The following TLE4 variants were observed in gnomAD, a reference collection of about 807,000 sequenced individuals.
TLE4 encodes TLE family member 4, transcriptional corepressor, also known as transducin-like enhancer protein 4.
Under a neutral mutation model 92.8 loss-of-function variants are expected in TLE4, and 8 were observed. The observed-to-expected ratio is 0.09, with a 90% confidence interval of 0.05 to 0.16. The LOEUF (loss-of-function observed/expected upper bound fraction) is 0.16. Ranked by LOEUF, TLE4 falls within the 10% of genes least tolerant of loss-of-function variation. The pLI is 1.00. For missense variants in TLE4, 675 were observed against 997.6 expected, an observed-to-expected ratio of 0.68 and a Z score of 4.36; for synonymous variants, 371 against 374.1, an observed-to-expected ratio of 0.99 and a Z score of 0.10.
intron 4 of TLE4, among the ~76,000 whole-genome samples, chr9:79,585,106 A>G (rs2040722229): frequency 6.6e-6 from 1 of 152,224 alleles, no homozygotes; most frequent in Non-Finnish European, 1.5e-5. Context: ...GGGACAAGGA[A>G]TTTTGAAAAT....
At chr9:79,585,028 A>G (rs555907171) in intron 4 of TLE4, among the ~76,000 whole-genome samples, 152 of 152,288 alleles carry the variant, frequency 1.0e-3, no homozygotes, top group Non-Finnish European at 1.4e-3. Flanking sequence ...ATCGATCTTG[A>G]CTATATTGTG....
chr9:79,628,950 A>C (rs1394147090), intron 6 of TLE4, among the ~76,000 whole-genome samples: 1 of 151,828 alleles, frequency 6.6e-6, no homozygotes, highest in Non-Finnish European at 1.5e-5. Flanking sequence ...GTGTGTGCAC[A>C]AGTGCAGGTG....
At chr9:79,597,584 C>A (rs2044341485) in intron 4 of TLE4, among the ~76,000 whole-genome samples, 1 of 152,144 alleles carries the variant, frequency 6.6e-6, no homozygotes. Context: ...ATAGTCCCCC[C>A]ACAAGCCTGC....
At chr9:79,652,979 G>A in intron 7 of TLE4, 185 bp downstream of exon 7, 2 of 759,104 alleles carry the variant, frequency 2.6e-6, no homozygotes, top group Admixed American at 3.6e-5. Flanking sequence ...TGGTTGGCAA[G>A]AGCTAACATA....
At chr9:79,668,870 T>C in intron 8 of TLE4, 1 of 980,934 alleles carries the variant, frequency 1.0e-6, no homozygotes, top group African/African-American at 1.7e-5. Context: ...TTTAGTGAAA[T>C]AGCAAAAGCA....
intron 18 of TLE4, 133 bp downstream of exon 18, chr9:79,722,734 A>T (rs1452322721): frequency 2.6e-6 from 3 of 1,162,144 alleles, no homozygotes; most frequent in Admixed American, 5.0e-5. Flanking sequence ...TTCCTGATAC[A>T]TGCCTGCTTC....
At chr9:79,680,004 G>A (rs1320355223) in intron 8 of TLE4, among the ~76,000 whole-genome samples, 3 of 151,840 alleles carry the variant, frequency 2.0e-5, no homozygotes, top group Non-Finnish European at 2.9e-5. Context: ...GTACCATGCT[G>A]TTTTGGTTAC....
intron 4 of TLE4, among the ~76,000 whole-genome samples, chr9:79,608,073 T>C (rs1384153103): frequency 6.6e-6 from 1 of 152,124 alleles, no homozygotes; most frequent in Admixed American, 6.6e-5. Flanking sequence ...TTCTCTTGCC[T>C]GTTTGCCCTG....
intron 6 of TLE4, among the ~76,000 whole-genome samples, chr9:79,631,846 A>G (rs2054347763): frequency 6.6e-6 from 1 of 150,818 alleles, no homozygotes; most frequent in African/African-American, 2.5e-5. Flanking sequence ...AGAAAGGGAA[A>G]GATATAAATA....
chr9:79,629,642 A>G (rs1035570836), intron 6 of TLE4, among the ~76,000 whole-genome samples: 5 of 152,194 alleles, frequency 3.3e-5, no homozygotes, highest in Admixed American at 3.3e-4. Flanking sequence ...GAGTCTTCCA[A>G]ACTCTTGGTA....
In TLE4 at chr9:79,726,391, T is replaced by TACAGTG. The variant is rs2076377597; in HGVS notation, c.*1248_*1253dup. On this transcript the variant is annotated 3_prime_UTR_variant, in exon 20 of 20. Coordinates refer to ENST00000376552, the MANE Select transcript of TLE4 (RefSeq NM_007005.6). ...TTTTAAGTCTGTGGATCTGCTGATG[T>TACAGTG]ACAGTGCCTTTGCTGCTATGGATCA... 6.5e-6 allele frequency: 1 copy of TACAGTG among 152,694 alleles called. No individual in the cohort carries two copies. The allele number at this position is 152,694 out of a possible 1,614,324, so 9.5% of individuals were successfully genotyped here.
intron 9 of TLE4, among the ~76,000 whole-genome samples, chr9:79,705,625 G>A (rs1233050790): frequency 6.6e-6 from 1 of 152,210 alleles, no homozygotes; most frequent in Admixed American, 6.5e-5. Context: ...CCAACCATCA[G>A]CTTCAAGTTT....
intron 2 of TLE4, among the ~76,000 whole-genome samples, chr9:79,574,472 C>T (rs1234335882): frequency 6.6e-6 from 1 of 152,090 alleles, no homozygotes; most frequent in Non-Finnish European, 1.5e-5. Context: ...TCATTAATCT[C>T]TTTGTAGAAC....
chr9:79,591,948 C>A (rs1041122228), intron 4 of TLE4, among the ~76,000 whole-genome samples: 1 of 152,200 alleles, frequency 6.6e-6, no homozygotes, highest in Admixed American at 6.5e-5. Flanking sequence ...TTACTTTCAT[C>A]TCTCCTGCCA....
At chr9:79,588,411 A>G (rs1168774207) in intron 4 of TLE4, among the ~76,000 whole-genome samples, 1 of 152,030 alleles carries the variant, frequency 6.6e-6, no homozygotes, top group Admixed American at 6.5e-5. Flanking sequence ...GGCCTCCCAA[A>G]ATGCTGGGAT....
At chr9:79,604,495 A>G (rs766724169) in intron 4 of TLE4, among the ~76,000 whole-genome samples, 1 of 152,182 alleles carries the variant, frequency 6.6e-6, no homozygotes, top group South Asian at 2.1e-4. Context: ...GACAGCTTCA[A>G]AGAATTGGAA....
At chr9:79,597,603 TC>T (rs2044348085) in intron 4 of TLE4, among the ~76,000 whole-genome samples, 2 of 152,098 alleles carry the variant, frequency 1.3e-5, no homozygotes, top group South Asian at 4.1e-4. Flanking sequence ...GCTTAGTGAT[TC>T]CTATCTGAGG....
rs142084583 is a variant in TLE4 at position 79,598,917 on chromosome 9, T to C, written c.253-13739T>C. On this transcript the variant is annotated intron_variant, in intron 4 of 19. Coordinates refer to ENST00000376552, the MANE Select transcript of TLE4 (RefSeq NM_007005.6). ...TGCTGTTTCTACCAGAGCTTCTAGT[T>C]TAGAGTAGGAGCCAGTAACTGAAAA... Among the ~76,000 whole-genome samples, 1,147 of 152,324 alleles carry C rather than the reference T, an allele frequency of 7.5e-3. 37 individuals carry two copies. The highest frequency in any genetic ancestry group is 0.068 in the Admixed American group (1,046 of 15,300).
chr9:79,688,395 TTTTGC>T (rs1275749505), intron 8 of TLE4, among the ~76,000 whole-genome samples: 10 of 152,234 alleles, frequency 6.6e-5, no homozygotes, highest in African/African-American at 2.4e-4. Flanking sequence ...GTCTCAATTC[TTTTGC>T]TTTATGTGGC....
Sources: allele counts gnomAD v4.1 joint callset (sites outside exome capture counted in the v4.1 genomes callset), GRCh38; gene constraint gnomAD v4.1.1; transcripts MANE v1.5; gene names NCBI Gene and HGNC (gene_info 2026-07-23, HGNC 2026-07-21).